PCDH15: variants seen among roughly 807,000 people sequenced by gnomAD.
PCDH15 encodes the protein protocadherin related 15.
In PCDH15, 129 loss-of-function variants were observed where a neutral mutation model predicts 178.5. That is an observed-to-expected ratio of 0.72 (90% CI 0.63 to 0.84). PCDH15 has a LOEUF of 0.84. Among genes scored for constraint, PCDH15 ranks in the 40% least tolerant of loss-of-function variants. The pLI, the probability that PCDH15 is intolerant of heterozygous loss-of-function variation, is 0.00. For synonymous variants in PCDH15, 800 were observed against 732.0 expected, an observed-to-expected ratio of 1.09 and a Z score of -1.50; for missense variants, 2,230 against 2,099.9, an observed-to-expected ratio of 1.06 and a Z score of -1.21.
intron 1 of PCDH15, among the ~76,000 whole-genome samples, chr10:55,238,110 T>C (rs1233688517): frequency 6.6e-6 from 1 of 151,792 alleles, no homozygotes; most frequent in African/African-American, 2.4e-5. Flanking sequence ...AAATAAGCTT[T>C]AGTTTATCTA....
intron 21 of PCDH15, among the ~76,000 whole-genome samples, chr10:53,981,662 A>C (rs2134622143): frequency 6.7e-6 from 1 of 150,326 alleles, no homozygotes; most frequent in African/African-American, 2.5e-5. Flanking sequence ...TTATACAAAA[A>C]TCAATTCAAG....
chr10:54,476,690 G>T (rs960802170), intron 3 of PCDH15, among the ~76,000 whole-genome samples: 1 of 151,810 alleles, frequency 6.6e-6, no homozygotes, highest in African/African-American at 2.4e-5. Context: ...CAATTTTGTG[G>T]TTATGTTTCA....
intron 7 of PCDH15, among the ~76,000 whole-genome samples, chr10:54,327,747 T>C (rs2133856196): frequency 6.6e-6 from 1 of 152,136 alleles, no homozygotes; most frequent in South Asian, 2.1e-4. Flanking sequence ...TCTGTTCTGC[T>C]GTATGAGCAA....
intron 18 of PCDH15, among the ~76,000 whole-genome samples, chr10:54,042,521 G>A (rs1157260425): frequency 6.6e-6 from 1 of 152,056 alleles, no homozygotes; most frequent in Non-Finnish European, 1.5e-5. Flanking sequence ...ATCACACAGA[G>A]AGTTAGAGAA....
intron 2 of PCDH15, among the ~76,000 whole-genome samples, chr10:55,546,906 G>A (rs954184121): frequency 2.6e-5 from 4 of 151,970 alleles, no homozygotes; most frequent in Non-Finnish European, 5.9e-5. Context: ...GGAGGCAGCA[G>A]GAGCTTTCAG....
chr10:54,496,347 C>T (rs1159765498), intron 3 of PCDH15, among the ~76,000 whole-genome samples: 1 of 152,028 alleles, frequency 6.6e-6, no homozygotes, highest in Non-Finnish European at 1.5e-5. Context: ...CCACTCTTTC[C>T]TTCTTGCTGC....
chr10:55,146,405 G>A (rs912620752), intron 2 of PCDH15, among the ~76,000 whole-genome samples: 1 of 151,828 alleles, frequency 6.6e-6, no homozygotes, highest in Non-Finnish European at 1.5e-5. Context: ...TGAGTCTGAG[G>A]AAGAAAGCCA....
chr10:54,853,735 A>T (rs1003174097), intron 3 of PCDH15, among the ~76,000 whole-genome samples: 1 of 152,096 alleles, frequency 6.6e-6, no homozygotes, highest in Non-Finnish European at 1.5e-5. Context: ...AATGGGTATG[A>T]TGTGTAATAT....
At chr10:55,504,616 C>A (rs759502624) in intron 2 of PCDH15, among the ~76,000 whole-genome samples, 66 of 151,000 alleles carry the variant, frequency 4.4e-4, no homozygotes, top group Non-Finnish European at 9.0e-4. Flanking sequence ...TTCTCAACAA[C>A]TAGAATGAAA....
intron 3 of PCDH15, among the ~76,000 whole-genome samples, chr10:54,813,805 A>C (rs2133732319): frequency 6.6e-6 from 1 of 152,270 alleles, no homozygotes; most frequent in East Asian, 1.9e-4. Context: ...AGAATCCATT[A>C]CTGTTTTCTG....
At chr10:55,174,195 G>C (rs539371549) in intron 1 of PCDH15, among the ~76,000 whole-genome samples, 3 of 152,232 alleles carry the variant, frequency 2.0e-5, no homozygotes, top group African/African-American at 7.2e-5. Context: ...TTGGAATTTA[G>C]ATGTGAAAAC....
chr10:54,790,749 G>A (rs557583052), intron 1 of PCDH15, among the ~76,000 whole-genome samples: 103 of 151,926 alleles, frequency 6.8e-4, no homozygotes, highest in Non-Finnish European at 1.2e-3. Flanking sequence ...ATAATTTAAT[G>A]TGAATGGAGA....
rs72121105 is a variant in PCDH15 at position 55,405,283 on chromosome 10, GAT to G, written c.-156+222340_-156+222341del. The stretch of plus-strand genomic sequence containing the variant: ...TGTGTATATGTAGTGTGAGGTAACA[GAT>G]ATATATATATATATATATACAATTT... On this transcript the variant is annotated intron_variant, in intron 2 of 5. Transcript: ENST00000613346. Among the ~76,000 whole-genome samples the G allele has an allele frequency of 1.2e-3, 125 of 107,818 alleles. 1 individual carries two copies. Among genetic ancestry groups the G allele is most frequent in the East Asian group, 3.1e-3 (15 of 4,784 alleles). The allele number at this position is 107,818 out of a possible 152,430, so 70.7% of individuals were successfully genotyped here.
intron 1 of PCDH15, among the ~76,000 whole-genome samples, chr10:54,705,492 C>T (rs113055977): frequency 6.6e-6 from 1 of 152,222 alleles, no homozygotes; most frequent in African/African-American, 2.4e-5. Flanking sequence ...CTCCCCAAAC[C>T]TCAATTTCAT....
chr10:55,104,303 G>T (rs542764221), intron 2 of PCDH15, among the ~76,000 whole-genome samples: 19 of 151,912 alleles, frequency 1.3e-4, no homozygotes, highest in Middle Eastern at 3.4e-3. Flanking sequence ...CTTGTCTGCT[G>T]CGTCTTGATC....
At chr10:54,990,949 C>G (rs1839483991) in intron 2 of PCDH15, among the ~76,000 whole-genome samples, 1 of 142,986 alleles carries the variant, frequency 7.0e-6, no homozygotes, top group Admixed American at 7.0e-5. Context: ...TCAAATCTTC[C>G]CCAATAAAAT....
chr10:54,719,256 G>A (rs1326521874), intron 1 of PCDH15, among the ~76,000 whole-genome samples: 1 of 151,970 alleles, frequency 6.6e-6, no homozygotes, highest in African/African-American at 2.4e-5. Context: ...ATACCAACTG[G>A]AAGAAATAAC....
chr10:55,022,345 G>T (rs898639316), intron 2 of PCDH15, among the ~76,000 whole-genome samples: 1 of 151,366 alleles, frequency 6.6e-6, no homozygotes, highest in Non-Finnish European at 1.5e-5. Context: ...CCAGTTAATC[G>T]GGAGGCAGAG....
At chr10:54,678,496 A>T (rs16906395) in intron 1 of PCDH15, among the ~76,000 whole-genome samples, 8,393 of 152,184 alleles carry the variant, frequency 0.055, 346 homozygotes, top group East Asian at 0.14. Context: ...TGGCATTTCA[A>T]CTTCCAATGA....
Sources: gnomAD v4.1 joint callset for allele counts (sites outside exome capture counted in the v4.1 genomes callset) on GRCh38, gnomAD v4.1.1 for gene constraint, MANE v1.5 for transcripts, NCBI Gene and HGNC (gene_info 2026-07-23, HGNC 2026-07-21) for gene names.